Variants in PMS1 observed in about 807,000 individuals in gnomAD.
The protein encoded by PMS1 is PMS1 homolog 1, mismatch repair system component, also known as PMS1 protein homolog 1.
A neutral mutation model predicts 93.1 loss-of-function variants in PMS1; 79 were observed. The observed-to-expected ratio is 0.85, with a 90% CI of 0.71 to 1.02. The LOEUF (loss-of-function observed/expected upper bound fraction) is 1.02. PMS1 is among the 50% of genes least tolerant of loss of function. PMS1 has a pLI of 0.00. For missense variants in PMS1, 1,064 were observed against 1,085.3 expected (o/e 0.98, Z 0.28); for synonymous variants, 335 against 363.4 (o/e 0.92, Z 0.89).
At chr2:189,806,328 GTAGT>G (rs755634409) in intron 4 of PMS1, 41 of 252,698 alleles carry the variant, frequency 1.6e-4, no homozygotes, top group African/African-American at 6.6e-4. Flanking sequence ...TACTTGTAAT[GTAGT>G]TAGTGTTTTA....
intron 11 of PMS1, among the ~76,000 whole-genome samples, chr2:189,868,140 G>T (rs1213994761): frequency 2.0e-5 from 3 of 152,146 alleles, no homozygotes; most frequent in African/African-American, 7.2e-5. Context: ...CTTTGCATTT[G>T]CATTTTCATA....
At chr2:189,812,149 A>G (rs1037617008) in intron 4 of PMS1, among the ~76,000 whole-genome samples, 2 of 152,078 alleles carry the variant, frequency 1.3e-5, no homozygotes, top group African/African-American at 4.8e-5. Flanking sequence ...AAAAATACGA[A>G]AATTATCTGG....
intron 4 of PMS1, 91 bp from the exon 5 acceptor site, chr2:189,817,926 T>C (rs183062450): frequency 2.9e-4 from 280 of 960,162 alleles, no homozygotes; most frequent in Non-Finnish European, 4.5e-4. Context: ...CCTTCAGTTA[T>C]AGAAGGGGTT....
intron 5 of PMS1, among the ~76,000 whole-genome samples, chr2:189,839,615 T>A (rs540890518): frequency 6.6e-6 from 1 of 152,386 alleles, no homozygotes; most frequent in South Asian, 2.1e-4. Context: ...TCAAGTCTGA[T>A]TGTACTTGTG....
At chr2:189,788,839 A>G (rs772120944) in intron 1 of PMS1, among the ~76,000 whole-genome samples, 1 of 152,202 alleles carries the variant, frequency 6.6e-6, no homozygotes, top group Non-Finnish European at 1.5e-5. Flanking sequence ...TAAGCTACAT[A>G]TGACTGATGG....
intron 5 of PMS1, among the ~76,000 whole-genome samples, chr2:189,839,105 C>T (rs1467190288): frequency 1.3e-5 from 2 of 152,030 alleles, no homozygotes; most frequent in African/African-American, 2.4e-5. Flanking sequence ...GATTCTCATG[C>T]CTTAGCCTCC....
At chr2:189,862,292 G>A (rs889632745) in intron 9 of PMS1, among the ~76,000 whole-genome samples, 2 of 151,892 alleles carry the variant, frequency 1.3e-5, no homozygotes, top group African/African-American at 4.8e-5. Context: ...TTTAATTTCT[G>A]ATATTGTATT....
chr2:189,824,877 G>T (rs1009975154), intron 5 of PMS1, among the ~76,000 whole-genome samples: 1 of 151,994 alleles, frequency 6.6e-6, no homozygotes, highest in African/African-American at 2.4e-5. Context: ...GCAATGACAT[G>T]TTACTATAAA....
intron 5 of PMS1, among the ~76,000 whole-genome samples, chr2:189,828,346 A>G (rs572764444): frequency 6.6e-6 from 1 of 152,358 alleles, no homozygotes; most frequent in South Asian, 2.1e-4. Context: ...GAAATGAGAA[A>G]TGTTTGAAAT....
chr2:189,856,310 A>G (rs576800667), intron 9 of PMS1, among the ~76,000 whole-genome samples: 46 of 152,000 alleles, frequency 3.0e-4, no homozygotes, highest in African/African-American at 1.1e-3. Context: ...ACTTCCATTC[A>G]CTTTCTTTCC....
chr2:189,863,910 A>G lies in PMS1; in HGVS notation c.2024A>G (p.Gln675Arg), dbSNP rs1188893756. ...AAGTTAAAAACCTCATTATCTAATC[A>G]ACCAAAACTTGATGAACTCCTTCAG... ...KHKLKTSLSNQPKLDELLQSQ... is the reference protein window; with the variant it reads ...KHKLKTSLSNRPKLDELLQSQ... The change falls in exon 10 of 13, where the codon CAA becomes CGA. Residue 675 changes from glutamine (Q) to arginine (R), a missense_variant. Coordinates refer to ENST00000441310, the MANE Select transcript of PMS1 (RefSeq NM_000534.5). 1 of 1,613,872 alleles carries G rather than the reference A, an allele frequency of 6.2e-7. No individual in the cohort carries two copies. The highest frequency in any genetic ancestry group is 2.2e-5 in the East Asian group (1 of 44,870).
intron 4 of PMS1, among the ~76,000 whole-genome samples, chr2:189,816,686 A>C (rs1209873543): frequency 3.9e-5 from 6 of 152,144 alleles, no homozygotes. Context: ...TTGGAACTTT[A>C]AAACTACGTA....
Position 189,877,431 on chromosome 2 carries a change from A to G in PMS1, c.2794A>G (p.Thr932Ala). The G allele has an allele frequency of 1.9e-6, 3 of 1,605,382 alleles. No homozygotes were observed. The South Asian group carries it at 3.3e-5, about 18-fold the overall frequency. ...TCATTTAACCTATCTTCCAGAAACT[A>G]CATGATTAAATATGTTTAAGAAGAT... ...FHHLTYLPET[T>A] The change falls in exon 13 of 13, where the codon ACA becomes GCA. Residue 932 changes from threonine to alanine, a missense_variant. Thr to Ala is a moderately conservative substitution (Grantham distance 58, BLOSUM62 0). Coordinates refer to ENST00000441310, the MANE Select transcript of PMS1 (RefSeq NM_000534.5).
intron 2 of PMS1, among the ~76,000 whole-genome samples, chr2:189,793,869 A>T (rs951738686): frequency 6.6e-6 from 1 of 152,164 alleles, no homozygotes; most frequent in African/African-American, 2.4e-5. Flanking sequence ...TCCTGACTAG[A>T]TATGTTTTCA....
At chr2:189,853,049 T>C (rs2054920460) in intron 7 of PMS1, among the ~76,000 whole-genome samples, 1 of 152,104 alleles carries the variant, frequency 6.6e-6, no homozygotes, top group Non-Finnish European at 1.5e-5. Context: ...TAGTTTTTTT[T>C]GTTTTTGTTT....
At chr2:189,830,096 G>A (rs921134990) in intron 5 of PMS1, among the ~76,000 whole-genome samples, 2 of 152,108 alleles carry the variant, frequency 1.3e-5, no homozygotes, top group African/African-American at 4.8e-5. Context: ...TTTCTGTATA[G>A]AGTCAGATGG....
intron 6 of PMS1, among the ~76,000 whole-genome samples, chr2:189,844,657 A>T (rs1203737939): frequency 1.3e-5 from 2 of 151,078 alleles, no homozygotes; most frequent in Non-Finnish European, 3.0e-5. Context: ...AAAAAAAAAA[A>T]AAAAAACTGT....
chr2:189,797,259 T>C (rs114189500), intron 3 of PMS1, among the ~76,000 whole-genome samples: 288 of 152,298 alleles, frequency 1.9e-3, no homozygotes, highest in African/African-American at 6.5e-3. Context: ...TAAGGGCAGA[T>C]TGGATTTAAG....
At chr2:189,810,612 A>G (rs1184595497) in intron 4 of PMS1, among the ~76,000 whole-genome samples, 2 of 152,220 alleles carry the variant, frequency 1.3e-5, no homozygotes, top group Non-Finnish European at 2.9e-5. Context: ...ACTTTTGTTG[A>G]GTAAAAAGTG....
Sources: allele counts gnomAD v4.1 joint callset (sites outside exome capture counted in the v4.1 genomes callset), GRCh38; gene constraint gnomAD v4.1.1; transcripts MANE v1.5; gene names NCBI Gene and HGNC (gene_info 2026-07-23, HGNC 2026-07-21).